Variants in YJU2B observed in about 807,000 individuals in gnomAD.
The protein encoded by YJU2B is YJU2 splicing factor homolog B.
A neutral mutation model predicts 38.0 loss-of-function variants in YJU2B; 18 were observed. The ratio of observed to expected loss-of-function variants is 0.47; its 90% CI spans 0.33 to 0.70. The LOEUF (loss-of-function observed/expected upper bound fraction) is 0.70. YJU2B is among the 30% of genes least tolerant of loss of function. The probability of loss-of-function intolerance (pLI) is 0.02; values close to 1 mark genes in which losing one functional copy is unlikely to be tolerated. For synonymous variants in YJU2B, 246 were observed against 225.4 expected (o/e 1.09, Z -0.82); for missense variants, 538 against 556.3 (o/e 0.97, Z 0.33).
At chr19:13,739,196 A>C (rs1331694996) in intron 2 of YJU2B, among the ~76,000 whole-genome samples, 2 of 152,088 alleles carry the variant, frequency 1.3e-5, no homozygotes, top group Admixed American at 1.3e-4. Flanking sequence ...CCCATACTGA[A>C]GTACCATGGT....
At chr19:13,744,793 A>G (rs923463158), upstream of YJU2B, among the ~76,000 whole-genome samples, 2 of 152,096 alleles carry the variant, frequency 1.3e-5, no homozygotes, top group East Asian at 3.9e-4. Flanking sequence ...GGAGATGGAG[A>G]CCATCTTGGC....
chr19:13,756,157 G>C (rs1301918040), intron 3 of YJU2B, 40 bp from the exon 4 acceptor site: 4 of 1,552,348 alleles, frequency 2.6e-6, no homozygotes, highest in Non-Finnish European at 3.6e-6. Context: ...AGCTCCTCCA[G>C]CTCAGCAGCA....
rs1973921312 is a variant in YJU2B at position 13,762,338 on chromosome 19, C to T, written c.613C>T (p.Gln205Ter). Residue 205 changes from glutamine (Q) to a stop codon, truncating the protein, a stop_gained, in exon 9 of 10, where the codon CAG becomes TAG. Transcript: ENST00000221554. LOFTEE classifies it high-confidence loss of function. ...KAIQEEEERDQALQAKASLTI... is the reference protein window; with the variant it reads ...KAIQEEEERD ...CATCCAGGAGGAGGAGGAGAGAGAC[C>T]AGGCCTTGCAGGCCAAGGCGAGCCT... 2 of 1,613,894 alleles carry T rather than the reference C, an allele frequency of 1.2e-6. No individual in the cohort carries two copies. Among genetic ancestry groups the T allele is most frequent in the Non-Finnish European group, 8.5e-7 (1 of 1,180,012 alleles).
rs552865402 is a variant in YJU2B at position 13,742,294 on chromosome 19, C to CTT, written c.-201-9287_-201-9286dup. The stretch of plus-strand genomic sequence containing the variant: ...CCATCTGGTCCTTCTTTGAGTCCCA[C>CTT]TTTTTTTTTTTTTTTTTTTTTTTTT... On this transcript the variant is annotated intron_variant, in intron 2 of 10. Transcript: ENST00000586600. Among the ~76,000 whole-genome samples, 418 of 111,966 alleles carry CTT rather than the reference C, an allele frequency of 3.7e-3. 36 individuals carry two copies. Among genetic ancestry groups the CTT allele is most frequent in the African/African-American group, 0.012 (339 of 27,634 alleles). 73.5% of individuals were successfully genotyped at this position (111,966 alleles called of 152,430 possible). A position where few individuals can be genotyped will look rare whatever the true frequency, so the allele number is the denominator to read the frequency against.
At chr19:13,746,915 A>T (rs999916649), upstream of YJU2B, among the ~76,000 whole-genome samples, 2 of 152,176 alleles carry the variant, frequency 1.3e-5, no homozygotes, top group Non-Finnish European at 2.9e-5. Context: ...TCAAAAAAAA[A>T]AAAGTATCAA....
chr19:13,750,393 A>G (rs1973411863), intron 1 of YJU2B, among the ~76,000 whole-genome samples: 1 of 151,922 alleles, frequency 6.6e-6, no homozygotes, highest in African/African-American at 2.4e-5. Flanking sequence ...CACTCGGCTA[A>G]TTTTTGTATT....
upstream of YJU2B, among the ~76,000 whole-genome samples, chr19:13,743,631 G>A (rs551834123): frequency 6.6e-4 from 93 of 141,290 alleles, 1 homozygote; most frequent in African/African-American, 2.4e-3. Flanking sequence ...AGTGGCTCAC[G>A]CCTGTAATCC....
chr19:13,762,203 A>G, intron 8 of YJU2B, 96 bp from the exon 9 acceptor site: 1 of 1,404,970 alleles, frequency 7.1e-7, no homozygotes, highest in South Asian at 1.3e-5. Context: ...AAAAAGAGTA[A>G]ATGAGACCCC....
chr19:13,736,220 A>G (rs140843723), intron 2 of YJU2B, among the ~76,000 whole-genome samples: 2 of 149,674 alleles, frequency 1.3e-5, no homozygotes, highest in East Asian at 3.9e-4. Flanking sequence ...CCTTTAATTA[A>G]TTCTCTAGAG....
chr19:13,757,623 C>A, intron 5 of YJU2B, 150 bp downstream of exon 5: 1 of 1,071,362 alleles, frequency 9.3e-7, no homozygotes, highest in Non-Finnish European at 1.4e-6. Context: ...AGCCCCTTTG[C>A]AGAGGGATTA....
chr19:13,745,645 C>CCATA (rs1973209887), upstream of YJU2B, among the ~76,000 whole-genome samples: 2 of 56,356 alleles, frequency 3.5e-5, no homozygotes, highest in East Asian at 1.1e-3. Flanking sequence ...GAGCAAAACT[C>CCATA]CATAGATAGA....
Position 13,759,095 on chromosome 19 carries a change from T to C in YJU2B, c.401-5T>C. The C allele has an allele frequency of 6.2e-7, 1 of 1,613,572 alleles. No individual in the cohort carries two copies. The highest frequency in any genetic ancestry group is 1.7e-5 in the Admixed American group (1 of 59,976). On this transcript the variant is annotated splice_region_variant and splice_polypyrimidine_tract_variant and intron_variant, in intron 7 of 9. Transcript: ENST00000221554. ...CAAAGCCCAGCCGAGCTCTGATCGT[T>C]GCAGAGCATGAGAAGAAGCAGAAGC...
At chr19:13,731,926 T>G (rs954044417) in exon 1 of YJU2B, 4 of 152,228 alleles carry the variant, frequency 2.6e-5, no homozygotes, top group Admixed American at 2.6e-4. Flanking sequence ...ACCATCGCCT[T>G]CCAGGGTAGC....
At chr19:13,749,832 A>G (rs1175003929) in intron 1 of YJU2B, among the ~76,000 whole-genome samples, 1 of 151,924 alleles carries the variant, frequency 6.6e-6, no homozygotes, top group Non-Finnish European at 1.5e-5. Flanking sequence ...ACGGGGTTTC[A>G]CTGTGTTTGC....
intron 5 of YJU2B, 87 bp from the exon 6 acceptor site, chr19:13,757,699 G>A (rs1186981784): frequency 3.6e-6 from 5 of 1,371,932 alleles, no homozygotes; most frequent in Non-Finnish European, 4.2e-6. Context: ...CTCAGCAAGT[G>A]ACAGTGAGCC....
rs188382561 is a variant in YJU2B at position 13,738,839 on chromosome 19, G to A, written c.-202+6554G>A. ...CGGGAGGCGGAGCTTGCAGTGAGCCGAGATCGAGCCACTACTGCACTCCAG... is the reference window on the plus strand; with the variant it reads ...CGGGAGGCGGAGCTTGCAGTGAGCCAAGATCGAGCCACTACTGCACTCCAG... On this transcript the variant is annotated intron_variant, in intron 2 of 10. Transcript: ENST00000586600. Among the ~76,000 whole-genome samples, 440 of 148,218 alleles carry A rather than the reference G, an allele frequency of 3.0e-3. 1 individual carries two copies. Among genetic ancestry groups the A allele is most frequent in the Middle Eastern group, 7.1e-3 (2 of 280 alleles).
intron 2 of YJU2B, 152 bp from the exon 3 acceptor site, chr19:13,754,137 A>G (rs1047307198): frequency 1.6e-6 from 1 of 633,682 alleles, no homozygotes; most frequent in Non-Finnish European, 2.8e-6. Context: ...GCACCACTGC[A>G]CTCCAGCATG....
At chr19:13,740,535 G>T (rs1303448359) in intron 2 of YJU2B, among the ~76,000 whole-genome samples, 2 of 151,182 alleles carry the variant, frequency 1.3e-5, no homozygotes, top group Admixed American at 6.6e-5. Context: ...TTGTTTTTTT[G>T]TTTGTTTGTT....
At chr19:13,733,483 A>G (rs1243403948) in intron 2 of YJU2B, among the ~76,000 whole-genome samples, 1 of 151,930 alleles carries the variant, frequency 6.6e-6, no homozygotes, top group Non-Finnish European at 1.5e-5. Flanking sequence ...GCACTTTGGG[A>G]GGCCGAGGTG....
Sources: allele counts gnomAD v4.1 joint callset (sites outside exome capture counted in the v4.1 genomes callset), GRCh38; gene constraint gnomAD v4.1.1; transcripts MANE v1.5; gene names NCBI Gene and HGNC (gene_info 2026-07-23, HGNC 2026-07-21).